Variants in KSR1 observed in about 807,000 individuals in gnomAD.
KSR1 encodes kinase suppressor of ras 1.
KSR1 carries 35 observed loss-of-function variants against 92.9 expected under a neutral mutation model. The observed-to-expected ratio is 0.38, with a 90% CI of 0.29 to 0.50. The LOEUF (loss-of-function observed/expected upper bound fraction) is 0.50, where lower values mean the gene tolerates loss of function less well. Ranked by LOEUF, KSR1 falls within the 20% of genes least tolerant of loss-of-function variation. The pLI, the probability that KSR1 is intolerant of heterozygous loss-of-function variation, is 0.94. For missense variants in KSR1, 972 were observed against 1,158.5 expected (o/e 0.84, Z 2.34); for synonymous variants, 467 against 472.6 (o/e 0.99, Z 0.15).
At chr17:27,533,808 C>T (rs189772116) in intron 1 of KSR1, among the ~76,000 whole-genome samples, 10 of 152,340 alleles carry the variant, frequency 6.6e-5, no homozygotes, top group African/African-American at 2.4e-4. Flanking sequence ...ATAATAGTCA[C>T]CCTTGTTGGA....
At position 27,607,961 on chromosome 17, in the gene KSR1, C is replaced by T. The variant is rs1363963229; in HGVS notation, c.2042C>T (p.Thr681Met). 8 of 1,610,920 alleles carry T rather than the reference C, an allele frequency of 5.0e-6. No individual in the cohort carries two copies. Among genetic ancestry groups the T allele is most frequent in the African/African-American group, 2.7e-5 (2 of 74,882 alleles). The stretch of plus-strand genomic sequence containing the variant: ...CACTCGTTTGTGAGGGACCCCAAGA[C>T]GTCTCTGGACATCAACAAGACGAGG... ...TLHSFVRDPK[T>M]SLDINKTRQI... is the part of the protein sequence containing the mutation. Residue 681 changes from threonine to methionine, a missense_variant, in exon 15 of 21, where the codon ACG (threonine) becomes ATG (methionine). Physicochemically the swap from Thr to Met is moderately conservative, Grantham distance 81. Coordinates refer to ENST00000644974, the MANE Select transcript of KSR1 (RefSeq NM_001394583.1).
intron 19 of KSR1, among the ~76,000 whole-genome samples, chr17:27,618,962 C>T (rs1403629432): frequency 6.6e-6 from 1 of 152,174 alleles, no homozygotes; most frequent in Non-Finnish European, 1.5e-5. Flanking sequence ...TCCCAAAGTG[C>T]TAGGATTACA....
intron 19 of KSR1, among the ~76,000 whole-genome samples, chr17:27,618,390 G>C (rs370531557): frequency 6.6e-6 from 1 of 152,352 alleles, no homozygotes; most frequent in African/African-American, 2.4e-5. Context: ...TGCTCTGTGA[G>C]AACCTGGGAA....
At chr17:27,607,155 C>CA (rs984767220) in intron 14 of KSR1, among the ~76,000 whole-genome samples, 1 of 152,098 alleles carries the variant, frequency 6.6e-6, no homozygotes, top group Non-Finnish European at 1.5e-5. Context: ...TATTCATTAA[C>CA]AAAAAAATCT....
intron 1 of KSR1, among the ~76,000 whole-genome samples, chr17:27,497,001 G>A (rs892501703): frequency 2.0e-5 from 3 of 152,150 alleles, no homozygotes; most frequent in Non-Finnish European, 4.4e-5. Context: ...GAAAGCATCC[G>A]ACCCTTCCTG....
intron 1 of KSR1, among the ~76,000 whole-genome samples, chr17:27,462,456 G>T (rs532866068): frequency 2.0e-4 from 30 of 152,212 alleles, no homozygotes; most frequent in Non-Finnish European, 3.7e-4. Flanking sequence ...CCCAGGCTGT[G>T]CAGCCTCAGG....
chr17:27,485,728 A>C (rs542034952), intron 1 of KSR1, among the ~76,000 whole-genome samples: 79 of 152,218 alleles, frequency 5.2e-4, no homozygotes, highest in Non-Finnish European at 8.4e-4. Context: ...GCTTGTGCAC[A>C]GGGCTGTGTC....
chr17:27,611,663 G>T (rs2073920995), intron 18 of KSR1, 34 bp downstream of exon 18: 1 of 1,612,526 alleles, frequency 6.2e-7, no homozygotes, highest in Non-Finnish European at 8.5e-7. Context: ...GAGCAGTAGG[G>T]CTGGAGGTGG....
intron 3 of KSR1, 33 bp from the exon 4 acceptor site, chr17:27,582,613 T>C: frequency 6.4e-7 from 1 of 1,570,842 alleles, no homozygotes; most frequent in South Asian, 1.2e-5. Flanking sequence ...CTTCCAGCCC[T>C]GACCATCTGT....
At chr17:27,560,263 T>G (rs1430439336) in intron 2 of KSR1, 2 of 398,646 alleles carry the variant, frequency 5.0e-6, no homozygotes, top group East Asian at 1.3e-4. Context: ...CCTGCTGGCA[T>G]GGAGCCATTT....
chr17:27,502,401 C>A (rs1348069260), intron 1 of KSR1, among the ~76,000 whole-genome samples: 1 of 152,198 alleles, frequency 6.6e-6, no homozygotes, highest in Non-Finnish European at 1.5e-5. Context: ...CTCCCTGATT[C>A]CGAGACCCTG....
Position 27,585,757 on chromosome 17 carries a change from C to T in KSR1, c.985+96C>T, listed in dbSNP as rs533938740. 2.6e-5 allele frequency: 19 copies of T among 719,580 alleles called. No homozygotes were observed. In the Admixed American group the frequency reaches 2.8e-4, roughly 11 times the overall value. The allele number at this position is 719,580 out of a possible 1,614,324, so 44.6% of individuals were successfully genotyped here. ...TGGACCTCTTTGACCCACCTCTTAG[C>T]CCGTTCAGCCTCTCCATAGTCCAGA... On this transcript the variant is annotated intron_variant, in intron 5 of 20. Coordinates refer to ENST00000644974, the MANE Select transcript of KSR1 (RefSeq NM_001394583.1).
intron 2 of KSR1, among the ~76,000 whole-genome samples, chr17:27,554,293 A>G (rs2945392): frequency 0.58 from 87,910 of 152,032 alleles, 25,554 homozygotes; most frequent in Admixed American, 0.68. Context: ...CATTCCAACA[A>G]TGGAACGCTA....
At chr17:27,499,979 C>T (rs1567767047) in intron 1 of KSR1, among the ~76,000 whole-genome samples, 1 of 152,328 alleles carries the variant, frequency 6.6e-6, no homozygotes, top group Admixed American at 6.5e-5. Flanking sequence ...GGTGGAGTCA[C>T]CTGCCACATC....
chr17:27,526,408 C>T (rs1448081236), intron 1 of KSR1: 13 of 1,520,118 alleles, frequency 8.6e-6, no homozygotes, highest in East Asian at 2.3e-5. Context: ...GGGAAAGGGC[C>T]GGTTAAATGA....
intron 4 of KSR1, among the ~76,000 whole-genome samples, chr17:27,584,268 C>T (rs2072886031): frequency 6.6e-6 from 1 of 152,154 alleles, no homozygotes; most frequent in African/African-American, 2.4e-5. Context: ...TCCTTGGGCC[C>T]TGGTGTATCT....
chr17:27,608,142 A>G, intron 15 of KSR1, 132 bp downstream of exon 15: 1 of 643,172 alleles, frequency 1.6e-6, no homozygotes. Context: ...CAGGCTCCTC[A>G]AGGGTGGGAC....
In KSR1 at chr17:27,526,743, G is replaced by C. The variant is rs1240833187; in HGVS notation, c.232-23825G>C. On this transcript the variant is annotated intron_variant, in intron 1 of 20. Coordinates refer to ENST00000644974, the MANE Select transcript of KSR1 (RefSeq NM_001394583.1). ...GAGGTCCTCTCACGTGTTGGAAAAC[G>C]TATGAACTCTTTCTCATCATCGCAC... The C allele has an allele frequency of 1.8e-5, 22 of 1,240,108 alleles. 1 individual carries two copies. The South Asian group carries it at 2.3e-4, about 13-fold the overall frequency. The allele number at this position is 1,240,108 out of a possible 1,614,324, so 76.8% of individuals were successfully genotyped here. A position where few individuals can be genotyped will look rare whatever the true frequency, so the allele number is the denominator to read the frequency against.
At chr17:27,467,078 G>C (rs1259439951) in intron 1 of KSR1, among the ~76,000 whole-genome samples, 1 of 152,220 alleles carries the variant, frequency 6.6e-6, no homozygotes, top group Non-Finnish European at 1.5e-5. Context: ...TCTTCTCGCT[G>C]TCCCCATTTT....
Sources: gnomAD v4.1 joint callset for allele counts (sites outside exome capture counted in the v4.1 genomes callset) on GRCh38, gnomAD v4.1.1 for gene constraint, MANE v1.5 for transcripts, NCBI Gene and HGNC (gene_info 2026-07-23, HGNC 2026-07-21) for gene names.